The following AMOTL1 variants were observed in gnomAD, a reference collection of about 807,000 sequenced individuals.
The protein encoded by AMOTL1 is angiomotin like 1, also known as angiomotin-like protein 1.
A neutral mutation model predicts 102.9 loss-of-function variants in AMOTL1; 45 were observed. The observed-to-expected ratio is 0.44, with a 90% CI of 0.34 to 0.56. The LOEUF is 0.56. Among genes scored for constraint, AMOTL1 ranks in the 20% least tolerant of loss-of-function variants. AMOTL1 has a pLI of 0.01. For missense variants in AMOTL1, 1,114 were observed against 1,225.6 expected (o/e 0.91, Z 1.36); for synonymous variants, 481 against 484.7 (o/e 0.99, Z 0.10).
Position 94,799,240 on chromosome 11 carries a change from A to G in AMOTL1, c.200-150A>G. 1 of 690,746 alleles carries G rather than the reference A, an allele frequency of 1.4e-6. No individual in the cohort carries two copies. The highest frequency in any genetic ancestry group is 2.8e-5 in the East Asian group (1 of 36,312). The allele number at this position is 690,746 out of a possible 1,614,324, so 42.8% of individuals were successfully genotyped here. On this transcript the variant is annotated intron_variant, in intron 2 of 12. Coordinates refer to ENST00000433060, the MANE Select transcript of AMOTL1 (RefSeq NM_130847.3). This position sits in a 1 kb window ranked among gnomAD's most constrained non-coding sequence, Gnocchi z 4.5. Reference sequence around the variant, plus strand: ...GAATTGGAGAAGAAAATTCCATGAGACATTGCCAGGTAAATGGAGGTGATG... The same window carrying G: ...GAATTGGAGAAGAAAATTCCATGAGGCATTGCCAGGTAAATGGAGGTGATG...
chr11:94,745,945 C>G (rs1172218923), intron 3 of AMOTL1, among the ~76,000 whole-genome samples: 5 of 152,070 alleles, frequency 3.3e-5, no homozygotes, highest in Admixed American at 3.3e-4. Flanking sequence ...GTGATTCGTC[C>G]CTGGAGCCAC....
intron 3 of AMOTL1, among the ~76,000 whole-genome samples, chr11:94,753,393 T>C (rs1262687542): frequency 6.6e-6 from 1 of 151,592 alleles, no homozygotes; most frequent in African/African-American, 2.4e-5. Context: ...ATTTTGTTTC[T>C]ACTCTCTTAA....
chr11:94,765,395 C>T (rs750407135), upstream of AMOTL1, among the ~76,000 whole-genome samples: 3 of 152,144 alleles, frequency 2.0e-5, no homozygotes, highest in African/African-American at 7.2e-5. Flanking sequence ...TAACTTCTTG[C>T]TAGTGAAATT....
chr11:94,723,146 C>A (rs1219112439), intron 1 of AMOTL1, among the ~76,000 whole-genome samples: 1 of 152,106 alleles, frequency 6.6e-6, no homozygotes, highest in Non-Finnish European at 1.5e-5. Context: ...CAAGAATTAC[C>A]TGAGCCTGAG....
At chr11:94,759,770 A>G (rs1950769667) in intron 3 of AMOTL1, among the ~76,000 whole-genome samples, 1 of 152,204 alleles carries the variant, frequency 6.6e-6, no homozygotes, top group Non-Finnish European at 1.5e-5. Flanking sequence ...TCTGGTTCAG[A>G]GGAGACACTC....
chr11:94,751,126 G>A (rs993923074), intron 3 of AMOTL1, among the ~76,000 whole-genome samples: 1 of 152,242 alleles, frequency 6.6e-6, no homozygotes, highest in East Asian at 1.9e-4. Context: ...GAATAAATAT[G>A]TTAAAGTATC....
At chr11:94,833,507 C>A (rs1362217639) in intron 6 of AMOTL1, among the ~76,000 whole-genome samples, 1 of 152,202 alleles carries the variant, frequency 6.6e-6, no homozygotes, top group Non-Finnish European at 1.5e-5. Context: ...ATAGAAGACA[C>A]TTTTAAGTGA....
chr11:94,871,327 GA>G lies in AMOTL1; in HGVS notation c.*535del, dbSNP rs1952992394. On this transcript the variant is annotated 3_prime_UTR_variant, in exon 13 of 13. Transcript: ENST00000433060. ...GAAGCATCGAGGGCGAGGGGAATAT[GA>G]AAGTTGGTCTTCACCTAATTACCTG... 6.6e-6 allele frequency: 1 copy of G among 152,340 alleles called. No homozygotes were observed. The highest frequency in any genetic ancestry group is 1.5e-5 in the Non-Finnish European group (1 of 68,116). The allele number at this position is 152,340 out of a possible 1,614,324, so 9.4% of individuals were successfully genotyped here.
intron 2 of AMOTL1, among the ~76,000 whole-genome samples, chr11:94,739,821 G>T (rs1950491247): frequency 2.0e-5 from 3 of 152,198 alleles, no homozygotes; most frequent in Non-Finnish European, 4.4e-5. Flanking sequence ...TGGGGGCTGG[G>T]GGGAGATACA....
upstream of AMOTL1, among the ~76,000 whole-genome samples, chr11:94,764,553 T>A (rs559695600): frequency 6.6e-6 from 1 of 152,336 alleles, no homozygotes; most frequent in Admixed American, 6.5e-5. Context: ...GTTGTAGCGA[T>A]GGTCCCAGGT....
intron 1 of AMOTL1, among the ~76,000 whole-genome samples, chr11:94,726,965 G>A (rs1189329657): frequency 6.6e-6 from 1 of 152,138 alleles, no homozygotes; most frequent in Non-Finnish European, 1.5e-5. Context: ...GCAGGTTGAA[G>A]TTAATAAAAC....
At chr11:94,805,705 A>G (rs1318168113) in intron 3 of AMOTL1, among the ~76,000 whole-genome samples, 1 of 152,162 alleles carries the variant, frequency 6.6e-6, no homozygotes, top group Non-Finnish European at 1.5e-5. Flanking sequence ...GAAGAGTGGT[A>G]ACTGTTTATT....
At chr11:94,763,952 G>A (rs1435771337), upstream of AMOTL1, among the ~76,000 whole-genome samples, 2 of 152,194 alleles carry the variant, frequency 1.3e-5, no homozygotes, top group Non-Finnish European at 2.9e-5. Context: ...TGATTATATA[G>A]GGGTTTATTA....
chr11:94,708,499 C>T (rs1949968766), intron 1 of AMOTL1, among the ~76,000 whole-genome samples: 1 of 152,128 alleles, frequency 6.6e-6, no homozygotes, highest in South Asian at 2.1e-4. Context: ...TCATTTCCCT[C>T]AACTGTGAAA....
In AMOTL1 at chr11:94,799,115, A is replaced by G. The variant is rs1951419335; in HGVS notation, c.200-275A>G. 6.6e-6 allele frequency among the ~76,000 whole-genome samples: 1 copy of G among 152,076 alleles called. No homozygotes were observed. The highest frequency in any genetic ancestry group is 2.4e-5 in the African/African-American group (1 of 41,398). ...GGGTATATTTATGTGATGAAGAGAA[A>G]GGACCGGTGGGGAGATTAGAGAAAA... is the stretch of plus-strand genomic sequence containing the variant. On this transcript the variant is annotated intron_variant, in intron 2 of 12. Transcript: ENST00000433060. The surrounding 1 kb of genome is among the most constrained non-coding windows in gnomAD (Gnocchi z 4.5).
At chr11:94,869,933 C>T (rs552190576) in intron 12 of AMOTL1, among the ~76,000 whole-genome samples, 103 of 152,282 alleles carry the variant, frequency 6.8e-4, no homozygotes, top group African/African-American at 2.4e-3. Context: ...AGTCGGTTAA[C>T]GTGTGGCACA....
chr11:94,736,246 T>C (rs953233599), intron 2 of AMOTL1, among the ~76,000 whole-genome samples: 2 of 152,086 alleles, frequency 1.3e-5, no homozygotes, highest in Admixed American at 6.5e-5. Flanking sequence ...AAAATGAACA[T>C]TTATTTATGT....
intron 1 of AMOTL1, among the ~76,000 whole-genome samples, chr11:94,784,046 A>T (rs1951147447): frequency 1.3e-5 from 2 of 152,124 alleles, no homozygotes; most frequent in African/African-American, 4.8e-5. Flanking sequence ...ACAAAGGAGA[A>T]AAAGAAACCT....
At chr11:94,823,364 C>T (rs1461319809) in intron 4 of AMOTL1, among the ~76,000 whole-genome samples, 2 of 152,212 alleles carry the variant, frequency 1.3e-5, no homozygotes, top group South Asian at 2.1e-4. Flanking sequence ...AGATTGTGGC[C>T]TCACTCCCAC....
Sources: allele counts gnomAD v4.1 joint callset (sites outside exome capture counted in the v4.1 genomes callset), GRCh38; gene constraint gnomAD v4.1.1; non-coding constraint Gnocchi (gnomAD v3.1); transcripts MANE v1.5; gene names NCBI Gene and HGNC (gene_info 2026-07-23, HGNC 2026-07-21).